The following AOPEP variants were observed in gnomAD, a reference collection of about 807,000 sequenced individuals.
AOPEP encodes aminopeptidase O (putative).
Under a neutral mutation model 98.1 loss-of-function variants are expected in AOPEP, and 77 were observed. The observed-to-expected ratio is 0.78, with a 90% CI of 0.65 to 0.95. The LOEUF (loss-of-function observed/expected upper bound fraction) is 0.95. Among genes scored for constraint, AOPEP ranks in the 40% least tolerant of loss-of-function variants. The pLI is 0.00. For synonymous variants in AOPEP, 346 were observed against 365.3 expected (o/e 0.95, Z 0.60); for missense variants, 1,024 against 1,024.7 (o/e 1.00, Z 0.01).
intron 1 of AOPEP, among the ~76,000 whole-genome samples, chr9:94,727,331 A>G (rs747942398): frequency 2.0e-5 from 3 of 152,220 alleles, no homozygotes; most frequent in Non-Finnish European, 2.9e-5. Flanking sequence ...GATTATGATT[A>G]TCTATTGTGA....
chr9:94,866,810 A>C (rs1252850755), intron 5 of AOPEP, among the ~76,000 whole-genome samples: 2 of 152,240 alleles, frequency 1.3e-5, no homozygotes, highest in Non-Finnish European at 2.9e-5. Flanking sequence ...ACCAGTGTTC[A>C]AATTGGATTT....
chr9:94,805,611 A>G (rs1172396940), intron 5 of AOPEP, among the ~76,000 whole-genome samples: 3 of 152,236 alleles, frequency 2.0e-5, no homozygotes, highest in South Asian at 4.1e-4. Context: ...AGGAAAAACT[A>G]TAAAGCTCCC....
chr9:94,817,089 C>G (rs1262051329), intron 5 of AOPEP, among the ~76,000 whole-genome samples: 1 of 152,178 alleles, frequency 6.6e-6, no homozygotes, highest in Admixed American at 6.5e-5. Context: ...CAGCCTCATC[C>G]TCCCAGGCTG....
chr9:94,877,281 G>A (rs537082414), intron 5 of AOPEP, among the ~76,000 whole-genome samples: 1 of 152,186 alleles, frequency 6.6e-6, no homozygotes, highest in Non-Finnish European at 1.5e-5. Context: ...GCAAGGGTCA[G>A]TTAAATTTAT....
At chr9:94,852,037 C>G (rs1251136925) in intron 5 of AOPEP, among the ~76,000 whole-genome samples, 4 of 152,032 alleles carry the variant, frequency 2.6e-5, no homozygotes, top group African/African-American at 9.7e-5. Context: ...GAGAATCCAA[C>G]AAGAAGCTTG....
chr9:94,863,572 C>T (rs1419300177), intron 5 of AOPEP, among the ~76,000 whole-genome samples: 3 of 152,142 alleles, frequency 2.0e-5, no homozygotes, highest in African/African-American at 2.4e-5. Flanking sequence ...CATGCCACAA[C>T]GCCCAGCTAA....
intron 2 of AOPEP, among the ~76,000 whole-genome samples, chr9:94,762,461 A>G (rs1838567623): frequency 6.6e-6 from 1 of 152,084 alleles, no homozygotes; most frequent in Non-Finnish European, 1.5e-5. Context: ...AGAAAAAAAA[A>G]AAAAAGAAAT....
chr9:94,731,531 T>C (rs1398261389), intron 1 of AOPEP, among the ~76,000 whole-genome samples: 1 of 151,506 alleles, frequency 6.6e-6, no homozygotes, highest in Admixed American at 6.6e-5. Flanking sequence ...CGGCCCAACT[T>C]GTTTTTTTAA....
intron 8 of AOPEP, among the ~76,000 whole-genome samples, chr9:94,955,585 GT>G (rs1032042505): frequency 2.6e-5 from 4 of 152,202 alleles, no homozygotes; most frequent in African/African-American, 9.7e-5. Context: ...AGAAGGAAGT[GT>G]TTTCTGTCGT....
chr9:95,046,623 A>G (rs1411369384), intron 13 of AOPEP, among the ~76,000 whole-genome samples: 3 of 152,210 alleles, frequency 2.0e-5, no homozygotes, highest in Non-Finnish European at 4.4e-5. Context: ...CCAGCTAAGA[A>G]CGACTTCTAG....
At chr9:94,812,696 C>T (rs1234585844) in intron 5 of AOPEP, among the ~76,000 whole-genome samples, 1 of 152,096 alleles carries the variant, frequency 6.6e-6, no homozygotes, top group East Asian at 1.9e-4. Context: ...CCCTGCCCTT[C>T]CTATGGGTCT....
intron 5 of AOPEP, among the ~76,000 whole-genome samples, chr9:94,825,757 A>G (rs969862619): frequency 6.6e-6 from 1 of 152,232 alleles, no homozygotes; most frequent in Admixed American, 6.5e-5. Context: ...CAGGGCGCCC[A>G]TCGGCATGGT....
At chr9:95,144,150 G>A in the AOPEP span, among the ~76,000 whole-genome samples, 5 of 152,238 alleles carry the variant, frequency 3.3e-5, no homozygotes, top group Non-Finnish European at 4.4e-5. Context: ...GGCTGGGCGC[G>A]GCTGGTAATT....
At chr9:94,790,155 G>A (rs1261145132) in intron 3 of AOPEP, among the ~76,000 whole-genome samples, 1 of 149,726 alleles carries the variant, frequency 6.7e-6, no homozygotes, top group Admixed American at 6.7e-5. Flanking sequence ...GATTACAAGC[G>A]TGAGCCACCG....
At chr9:94,745,910 GTATTTC>G (rs1487848911) in intron 1 of AOPEP, among the ~76,000 whole-genome samples, 2 of 152,160 alleles carry the variant, frequency 1.3e-5, no homozygotes, top group African/African-American at 4.8e-5. Flanking sequence ...GGAACATACG[GTATTTC>G]TATTTGTGAT....
intron 11 of AOPEP, among the ~76,000 whole-genome samples, chr9:94,984,190 G>A (rs1162229234): frequency 6.6e-6 from 1 of 151,786 alleles, no homozygotes; most frequent in African/African-American, 2.4e-5. Flanking sequence ...CCGCCACCAC[G>A]CCTGGCTAAT....
At chr9:95,038,448 A>G (rs1467787843) in intron 13 of AOPEP, among the ~76,000 whole-genome samples, 2 of 152,246 alleles carry the variant, frequency 1.3e-5, no homozygotes, top group Non-Finnish European at 2.9e-5. Flanking sequence ...AAAAAGCCTA[A>G]TGATATAAAC....
intron 5 of AOPEP, among the ~76,000 whole-genome samples, chr9:94,892,972 G>T (rs1298090112): frequency 6.6e-6 from 1 of 152,084 alleles, no homozygotes. Flanking sequence ...GGATTCCAGG[G>T]GTTAGCTACC....
chr9:95,070,535 A>T (rs1410344837), intron 14 of AOPEP, among the ~76,000 whole-genome samples: 1 of 152,246 alleles, frequency 6.6e-6, no homozygotes, highest in Non-Finnish European at 1.5e-5. Flanking sequence ...ACTGTGCATT[A>T]TAATTTCAGA....
Sources: gnomAD v4.1 joint callset for allele counts (sites outside exome capture counted in the v4.1 genomes callset) on GRCh38, gnomAD v4.1.1 for gene constraint, MANE v1.5 for transcripts, NCBI Gene and HGNC (gene_info 2026-07-23, HGNC 2026-07-21) for gene names.